The following WFDC5 variants were observed in gnomAD, a reference collection of about 807,000 sequenced individuals.
The protein encoded by WFDC5 is WAP four-disulfide core domain 5, also known as WAP four-disulfide core domain protein 5.
A neutral mutation model predicts 15.7 loss-of-function variants in WFDC5; 15 were observed. The observed-to-expected ratio is 0.96, with a 90% CI of 0.64 to 1.47. WFDC5 has a LOEUF of 1.47. WFDC5 is among the 40% of genes most tolerant of loss of function. WFDC5 has a pLI of 0.00. For synonymous variants in WFDC5, 109 were observed against 107.7 expected (o/e 1.01, Z -0.07); for missense variants, 280 against 258.0 (o/e 1.09, Z -0.59).
At chr20:45,110,807 A>T (rs748591288) in intron 1 of WFDC5, 32 bp from the exon 2 acceptor site, 1 of 1,612,008 alleles carries the variant, frequency 6.2e-7, no homozygotes, top group Non-Finnish European at 8.5e-7. Context: ...TTGCAGCTGG[A>T]GGAAGCTCAC....
intron 3 of WFDC5, 49 bp from the exon 4 acceptor site, chr20:45,110,062 G>A: frequency 6.3e-7 from 1 of 1,589,728 alleles, no homozygotes; most frequent in Non-Finnish European, 8.6e-7. Flanking sequence ...ATAGGGCTCT[G>A]GTTTCTGGCC....
exon 4 of WFDC5, chr20:45,109,781 A>G (rs1388430493): frequency 2.8e-6 from 2 of 725,210 alleles, no homozygotes; most frequent in East Asian, 2.7e-5. Context: ...TACTGGGGTG[A>G]TACAGAGGCC....
upstream of WFDC5, among the ~76,000 whole-genome samples, chr20:45,115,581 G>T (rs1981741540): frequency 6.6e-6 from 1 of 152,132 alleles, no homozygotes; most frequent in Non-Finnish European, 1.5e-5. Flanking sequence ...AAGAAGGCTG[G>T]CCCAGGCTGG....
exon 2 of WFDC5, chr20:45,110,709 T>C (rs1188071401): frequency 6.2e-7 from 1 of 1,614,158 alleles, no homozygotes; most frequent in Admixed American, 1.7e-5. Context: ...CTGGCTGTCT[T>C]CCACGCACTG....
At position 45,110,396 on chromosome 20, in the gene WFDC5, G is replaced by T. The variant is rs201106936; in HGVS notation, c.371C>A (p.Thr124Lys). The change falls in exon 3 of 4, where the codon ACG (threonine) becomes AAG (lysine). Residue 124 changes from threonine to lysine, a missense_variant. Thr to Lys is a moderately conservative substitution (Grantham distance 78). Transcript: ENST00000307971. ...CACCTGCCCTGGGCACCCAGGAGCC[G>T]TACCTCTGGCAGGATCCCGGCAATC... 6 of 1,597,030 alleles carry T rather than the reference G, an allele frequency of 3.8e-6. No homozygotes were observed. Among genetic ancestry groups the T allele is most frequent in the Non-Finnish European group, 5.1e-6 (6 of 1,172,570 alleles).
At chr20:45,109,833 G>T in exon 4 of WFDC5, 1 of 910,962 alleles carries the variant, frequency 1.1e-6, no homozygotes, top group Non-Finnish European at 1.8e-6. Context: ...CCCAGGAGGA[G>T]AAACCAGGGG....
exon 4 of WFDC5, chr20:45,109,597 G>A (rs1981550100): frequency 1.6e-6 from 1 of 621,768 alleles, no homozygotes; most frequent in African/African-American, 1.8e-5. Context: ...TGAAAGAGGT[G>A]AATGACTGAT....
chr20:45,114,873 ACGCACG>A, intron 1 of WFDC5, 120 bp downstream of exon 1: 1 of 929,242 alleles, frequency 1.1e-6, no homozygotes, highest in Non-Finnish European at 1.6e-6. Flanking sequence ...ACACACACGC[ACGCACG>A]CACACACACA....
intron 1 of WFDC5, among the ~76,000 whole-genome samples, chr20:45,112,249 C>T (rs897874124): frequency 1.3e-5 from 2 of 152,082 alleles, no homozygotes; most frequent in African/African-American, 4.8e-5. Flanking sequence ...GTCAAAGGTG[C>T]GCAGGCCTCA....
At chr20:45,109,825 C>A in exon 4 of WFDC5, 1 of 855,030 alleles carries the variant, frequency 1.2e-6, no homozygotes, top group East Asian at 2.6e-5. Context: ...CTTTGACTCC[C>A]AGGAGGAGAA....
chr20:45,115,222 CT>C, upstream of WFDC5: 1 of 731,718 alleles, frequency 1.4e-6, no homozygotes. Context: ...GCCCCACCCC[CT>C]GAGGGCCCGA....
At chr20:45,114,527 G>A (rs1345467725) in intron 1 of WFDC5, among the ~76,000 whole-genome samples, 3 of 152,108 alleles carry the variant, frequency 2.0e-5, no homozygotes, top group Non-Finnish European at 4.4e-5. Context: ...CCACAGCCCA[G>A]CAGGCACAGA....
At chr20:45,112,780 A>G (rs558856607) in intron 1 of WFDC5, among the ~76,000 whole-genome samples, 10 of 152,356 alleles carry the variant, frequency 6.6e-5, no homozygotes, top group Non-Finnish European at 1.3e-4. Context: ...TTTATCTACA[A>G]AAGTAGCAAT....
chr20:45,115,277 T>C (rs1042120937), upstream of WFDC5: 4 of 558,712 alleles, frequency 7.2e-6, no homozygotes, highest in African/African-American at 7.5e-5. Flanking sequence ...GAAGATAGGG[T>C]GGCGGCACAT....
chr20:45,113,056 T>C (rs1981664095), intron 1 of WFDC5, among the ~76,000 whole-genome samples: 2 of 152,110 alleles, frequency 1.3e-5, no homozygotes, highest in South Asian at 4.1e-4. Flanking sequence ...GCATACACAG[T>C]CATATATACA....
rs113733043 is a variant in WFDC5 at position 45,110,897 on chromosome 20, T to G, written c.86-122A>C. 7.4e-4 allele frequency: 985 copies of G among 1,338,794 alleles called. 8 individuals carry two copies. In the African/African-American group the frequency reaches 0.013, roughly 18 times the overall value. The allele number at this position is 1,338,794 out of a possible 1,614,324, so 82.9% of individuals were successfully genotyped here. Reference sequence around the variant, plus strand: ...GCTTTTTGCCTGTCTTTTGGCTAGTTGTTATTTTTGTTTGTTTGTTTGTTT... The same window carrying G: ...GCTTTTTGCCTGTCTTTTGGCTAGTGGTTATTTTTGTTTGTTTGTTTGTTT... On this transcript the variant is annotated intron_variant, in intron 1 of 3. Coordinates refer to ENST00000307971, the Ensembl canonical transcript of WFDC5.
chr20:45,110,771 T>G, exon 2 of WFDC5: 1 of 1,613,986 alleles, frequency 6.2e-7, no homozygotes, highest in South Asian at 1.1e-5. Context: ...AGCCCCCCGA[T>G]TTCTCTGTAA....
exon 4 of WFDC5, chr20:45,109,478 A>G: frequency 2.1e-6 from 1 of 475,740 alleles, no homozygotes; most frequent in Non-Finnish European, 3.8e-6. Context: ...TTTTGAAATG[A>G]ATTTATTTAT....
chr20:45,114,645 G>A (rs73288150), intron 1 of WFDC5, among the ~76,000 whole-genome samples: 89 of 152,010 alleles, frequency 5.9e-4, no homozygotes, highest in African/African-American at 2.0e-3. Flanking sequence ...ACAGAGCTTT[G>A]CACAGACAAG....
Sources: gnomAD v4.1 joint callset for allele counts (sites outside exome capture counted in the v4.1 genomes callset) on GRCh38, gnomAD v4.1.1 for gene constraint, MANE v1.5 for transcripts, NCBI Gene and HGNC (gene_info 2026-07-23, HGNC 2026-07-21) for gene names.